The following NBPF15 variants were observed in gnomAD, a reference collection of about 807,000 sequenced individuals.
NBPF15 encodes NBPF member 15.
NBPF15 carries 74 observed loss-of-function variants against 62.2 expected under a neutral mutation model. The ratio of observed to expected loss-of-function variants is 1.19; its 90% CI spans 0.99 to 1.44. NBPF15 has a LOEUF of 1.44. Ranked by LOEUF, NBPF15 falls within the 40% of genes most tolerant of loss-of-function variation. NBPF15 has a pLI of 0.00. For synonymous variants in NBPF15, 244 were observed against 209.7 expected, an observed-to-expected ratio of 1.16 and a Z score of -1.41; for missense variants, 790 against 550.0, an observed-to-expected ratio of 1.44 and a Z score of -4.36.
chr1:144,444,170 A>G (rs1326157976), intron 6 of NBPF15, among the ~76,000 whole-genome samples: 1 of 151,232 alleles, frequency 6.6e-6, no homozygotes, highest in African/African-American at 2.4e-5. Flanking sequence ...TGAAGAAACT[A>G]TCATGAACAT....
rs1253560167 is a variant in NBPF15, at chr1:144,423,063, C to G, written c.1963G>C (p.Val655Leu). 6.2e-7 allele frequency: 1 copy of G among 1,611,594 alleles called. No homozygotes were observed. Among genetic ancestry groups the G allele is most frequent in the Non-Finnish European group, 8.5e-7 (1 of 1,179,618 alleles). The change falls in exon 22 of 22, where the codon GTG becomes CTG. Residue 655 changes from valine (V) to leucine (L), a missense_variant. Coordinates refer to ENST00000581897, the MANE Select transcript of NBPF15 (RefSeq NM_001385408.1). ...TGGAACACCAGGTGGAGACTTGTCACCGTCAAAGTAAAAAACCTATTGTCC... is the reference window on the plus strand; with the variant it reads ...TGGAACACCAGGTGGAGACTTGTCAGCGTCAAAGTAAAAAACCTATTGTCC... ...YVDNRFFTLT[V>L]TSLHLVFQMG...
At chr1:144,441,039 GT>G (rs1553542571) in intron 6 of NBPF15, among the ~76,000 whole-genome samples, 1 of 151,628 alleles carries the variant, frequency 6.6e-6, no homozygotes, top group Non-Finnish European at 1.5e-5. Flanking sequence ...GTTTCATTTT[GT>G]TTTGGCCAAG....
chr1:144,439,846 T>C lies in NBPF15; in HGVS notation c.158A>G (p.Asn53Ser), dbSNP rs1405899017. ...GATCTTACTGTATTTCTTCTGTCGG[T>C]TGGCCAGGAAGCCGGCCAGTTGAGT... is the stretch of plus-strand genomic sequence containing the variant. ...FLTQLAGFLA[N>S]RQKKYKYEEC... Residue 53 changes from asparagine (N) to serine (S), a missense_variant, in exon 8 of 22, where the codon AAC (asparagine) becomes AGC (serine). Transcript: ENST00000581897. 1 of 1,605,670 alleles carries C rather than the reference T, an allele frequency of 6.2e-7. No homozygotes were observed. Among genetic ancestry groups the C allele is most frequent in the African/African-American group, 1.3e-5 (1 of 74,728 alleles).
At chr1:144,444,769 T>C (rs1686047417) in intron 6 of NBPF15, among the ~76,000 whole-genome samples, 1 of 151,778 alleles carries the variant, frequency 6.6e-6, no homozygotes, top group African/African-American at 2.4e-5. Flanking sequence ...AAGTCAAAAC[T>C]CTCTTCCTCC....
chr1:144,431,628 G>A (rs2101887905), intron 13 of NBPF15, among the ~76,000 whole-genome samples: 1 of 123,658 alleles, frequency 8.1e-6, no homozygotes, highest in East Asian at 2.4e-4. Flanking sequence ...ATCTCCTAAT[G>A]CTACCCCTCC....
chr1:144,427,494 G>A (rs1420982142), intron 16 of NBPF15, among the ~76,000 whole-genome samples: 2 of 149,682 alleles, frequency 1.3e-5, no homozygotes, highest in East Asian at 3.9e-4. Context: ...AAATTAGAGT[G>A]AAGGATGAAA....
intron 6 of NBPF15, among the ~76,000 whole-genome samples, chr1:144,442,013 G>A (rs1367208313): frequency 6.8e-6 from 1 of 147,386 alleles, no homozygotes; most frequent in Admixed American, 6.9e-5. Context: ...GCCTGTCATG[G>A]GGTGAGGGCT....
intron 14 of NBPF15, among the ~76,000 whole-genome samples, chr1:144,429,251 C>G (rs1179607314): frequency 6.7e-6 from 1 of 148,944 alleles, no homozygotes; most frequent in Non-Finnish European, 1.5e-5. Context: ...ACCTGGGTCA[C>G]ATCTTTCACT....
chr1:144,457,111 G>A (rs1648505193), intron 3 of NBPF15, among the ~76,000 whole-genome samples: 1 of 151,960 alleles, frequency 6.6e-6, no homozygotes, highest in East Asian at 1.9e-4. Context: ...CCTTGAATTA[G>A]AGGTTAGTGA....
chr1:144,451,802 C>A lies in NBPF15; in HGVS notation c.-431-932G>T, dbSNP rs587772619. ...TTCTTAGTACAGAACAAAATGGAGT[C>A]TCTTATGTCTACTTCTTCCTACACA... On this transcript the variant is annotated intron_variant, in intron 4 of 21. Coordinates refer to ENST00000581897, the MANE Select transcript of NBPF15 (RefSeq NM_001385408.1). Among the ~76,000 whole-genome samples, 975 of 151,384 alleles carry A rather than the reference C, an allele frequency of 6.4e-3. 14 individuals are homozygous for A. The highest frequency in any genetic ancestry group is 0.022 in the African/African-American group (913 of 40,876).
intron 9 of NBPF15, among the ~76,000 whole-genome samples, 153 bp downstream of exon 9, chr1:144,437,792 T>C (rs1292253524): frequency 6.6e-6 from 1 of 152,104 alleles, no homozygotes; most frequent in African/African-American, 2.4e-5. Flanking sequence ...ATCCTTCTTC[T>C]CTGTTTGATA....
chr1:144,428,295 A>C (rs9438350), intron 15 of NBPF15, among the ~76,000 whole-genome samples: 1 of 151,898 alleles, frequency 6.6e-6, no homozygotes, highest in Admixed American at 6.6e-5. Flanking sequence ...CAGGACACAC[A>C]GTGAACAGTG....
chr1:144,459,639 A>G (rs1393591071), intron 2 of NBPF15, among the ~76,000 whole-genome samples, 156 bp from the exon 3 acceptor site: 4 of 151,982 alleles, frequency 2.6e-5, no homozygotes, highest in Non-Finnish European at 5.9e-5. Context: ...TTACAAATCA[A>G]CAGAAAAACA....
chr1:144,458,372 G>A (rs1247461590), intron 3 of NBPF15, among the ~76,000 whole-genome samples: 1 of 151,542 alleles, frequency 6.6e-6, no homozygotes, highest in Non-Finnish European at 1.5e-5. Flanking sequence ...TGAACATCTA[G>A]CAATCACTGT....
chr1:144,436,582 C>G (rs9438316), intron 10 of NBPF15, among the ~76,000 whole-genome samples: 5 of 152,014 alleles, frequency 3.3e-5, no homozygotes, highest in South Asian at 2.1e-4. Flanking sequence ...CATTCTTAGT[C>G]CAGAGCTCTT....
At chr1:144,436,224 T>G (rs1334694761) in intron 10 of NBPF15, among the ~76,000 whole-genome samples, 1 of 152,038 alleles carries the variant, frequency 6.6e-6, no homozygotes, top group Non-Finnish European at 1.5e-5. Flanking sequence ...ATTCTTTCTC[T>G]TAGAAGCAGA....
At chr1:144,450,365 G>A (rs1231750485) in intron 5 of NBPF15, among the ~76,000 whole-genome samples, 2 of 151,414 alleles carry the variant, frequency 1.3e-5, no homozygotes, top group African/African-American at 4.9e-5. Context: ...GAAACAGACA[G>A]GTAAGGAGGA....
intron 13 of NBPF15, among the ~76,000 whole-genome samples, chr1:144,432,542 G>C (rs1289589624): frequency 1.3e-5 from 2 of 151,848 alleles, no homozygotes; most frequent in East Asian, 3.9e-4. Context: ...AGACCCATCA[G>C]TGTGCTGTAC....
At chr1:144,428,468 CA>C in intron 15 of NBPF15, 137 bp downstream of exon 15, 2 of 892,804 alleles carry the variant, frequency 2.2e-6, no homozygotes, top group Non-Finnish European at 3.7e-6. Context: ...TAATGAGAAC[CA>C]AAAAGCAATG....
Sources: gnomAD v4.1 joint callset for allele counts (sites outside exome capture counted in the v4.1 genomes callset) on GRCh38, gnomAD v4.1.1 for gene constraint, MANE v1.5 for transcripts, NCBI Gene and HGNC (gene_info 2026-07-23, HGNC 2026-07-21) for gene names.